The following CACNA1C variants were observed in gnomAD, a reference collection of about 807,000 sequenced individuals.
The protein encoded by CACNA1C is voltage-dependent L-type calcium channel subunit alpha-1C.
Under a neutral mutation model 229.0 loss-of-function variants are expected in CACNA1C, and 30 were observed. The ratio of observed to expected loss-of-function variants is 0.13; its 90% confidence interval spans 0.10 to 0.18. The LOEUF is 0.18. Ranked by LOEUF, CACNA1C falls within the 10% of genes least tolerant of loss-of-function variation. CACNA1C has a pLI of 1.00. For synonymous variants in CACNA1C, 1,114 were observed against 1,132.5 expected, an observed-to-expected ratio of 0.98 and a Z score of 0.33; for missense variants, 1,658 against 2,845.0, an observed-to-expected ratio of 0.58 and a Z score of 9.49.
chr12:2,352,015 G>C (rs1214575344), intron 3 of CACNA1C, among the ~76,000 whole-genome samples: 1 of 152,234 alleles, frequency 6.6e-6, no homozygotes, highest in Non-Finnish European at 1.5e-5. Context: ...TCCTGACTCA[G>C]AAATGTGTTG....
chr12:2,229,977 C>T (rs1339762873), intron 3 of CACNA1C, among the ~76,000 whole-genome samples: 1 of 152,142 alleles, frequency 6.6e-6, no homozygotes, highest in Non-Finnish European at 1.5e-5. Context: ...TGGGAGGTGA[C>T]GAGGGGTCTG....
rs1401677127 is a variant in CACNA1C, at chr12:2,053,103, G to A, written c.-460G>A. ...CTGCCTCCGCGCCCAGGAGTTGCCG[G>A]CTCCCTTTGACAGCAGAGAGCCGGG... is the stretch of plus-strand genomic sequence containing the variant. On this transcript the variant is annotated 5_prime_UTR_variant, in exon 1 of 47. Transcript: ENST00000399655. This position sits in a 1 kb window ranked among gnomAD's most constrained non-coding sequence, Gnocchi z 5.8. 1.0e-6 allele frequency: 1 copy of A among 984,674 alleles called. No homozygotes were observed. The highest frequency in any genetic ancestry group is 1.2e-6 in the Non-Finnish European group (1 of 829,596). The allele number at this position is 984,674 out of a possible 1,614,324, so 61.0% of individuals were successfully genotyped here.
At chr12:2,196,069 G>A (rs1432936103) in intron 3 of CACNA1C, among the ~76,000 whole-genome samples, 1 of 152,180 alleles carries the variant, frequency 6.6e-6, no homozygotes, top group Non-Finnish European at 1.5e-5. Flanking sequence ...AGCTTATTGG[G>A]ATCCTTCAGC....
chr12:2,553,118 T>C (rs905422929), intron 10 of CACNA1C, among the ~76,000 whole-genome samples: 1 of 152,168 alleles, frequency 6.6e-6, no homozygotes, highest in African/African-American at 2.4e-5. Flanking sequence ...CAGAGTCTAG[T>C]GCCCACCAAC....
At position 2,552,379 on chromosome 12, in the gene CACNA1C, A is replaced by C. The variant is rs539542320; in HGVS notation, c.1481+2346A>C. ...AAGTGTAAAGTCGGGCTAATAACAA[A>C]GGTTTCTAATTTGGACTGGCAGGTT... On this transcript the variant is annotated intron_variant, in intron 10 of 46. Coordinates refer to ENST00000399655, the MANE Select transcript of CACNA1C (RefSeq NM_000719.7). Among the ~76,000 whole-genome samples, 6 of 152,336 alleles carry C rather than the reference A, an allele frequency of 3.9e-5. No individual in the cohort carries two copies. The South Asian group carries it at 8.3e-4, about 21-fold the overall frequency.
chr12:2,081,559 A>G (rs1354827170), intron 1 of CACNA1C, among the ~76,000 whole-genome samples: 1 of 142,184 alleles, frequency 7.0e-6, no homozygotes, highest in Non-Finnish European at 1.5e-5. Context: ...CGACAGAGCG[A>G]GACTCAGTCT....
intron 1 of CACNA1C, among the ~76,000 whole-genome samples, chr12:2,005,094 C>G (rs1162597327): frequency 6.6e-6 from 1 of 151,132 alleles, no homozygotes; most frequent in Non-Finnish European, 1.5e-5. Context: ...GGGCACCAAA[C>G]TGTATTGCTA....
In CACNA1C at chr12:2,053,841, A is replaced by T. The variant is rs1233697819; in HGVS notation, c.49+230A>T. On this transcript the variant is annotated intron_variant, in intron 1 of 46. Transcript: ENST00000399655. The surrounding 1 kb of genome is among the most constrained non-coding windows in gnomAD (Gnocchi z 5.8). ...TCCCGCCCCTCCCCCTCCGGGCCCC[A>T]GCTTCTCCAGAGCATGTGTTTCCTG... Among the ~76,000 whole-genome samples, 8 of 149,308 alleles carry T rather than the reference A, an allele frequency of 5.4e-5. No individual in the cohort carries two copies. In the East Asian group the frequency reaches 8.1e-4, roughly 15 times the overall value.
At chr12:2,358,927 C>T (rs751463318) in intron 3 of CACNA1C, among the ~76,000 whole-genome samples, 1 of 152,064 alleles carries the variant, frequency 6.6e-6, no homozygotes, top group Non-Finnish European at 1.5e-5. Context: ...CTGCTGCCTT[C>T]TCCCTTTCCT....
At chr12:2,461,742 T>G (rs2099504799) in intron 5 of CACNA1C, among the ~76,000 whole-genome samples, 1 of 152,308 alleles carries the variant, frequency 6.6e-6, no homozygotes, top group African/African-American at 2.4e-5. Flanking sequence ...TTTTTCTCAC[T>G]CTTTGATTAC....
chr12:2,227,318 CCAGA>C (rs2063310434), intron 3 of CACNA1C, among the ~76,000 whole-genome samples: 1 of 152,154 alleles, frequency 6.6e-6, no homozygotes, highest in South Asian at 2.1e-4. Flanking sequence ...CAGGAGTTTC[CCAGA>C]CAGACACTTC....
At chr12:2,140,062 G>A (rs1440342117) in intron 3 of CACNA1C, among the ~76,000 whole-genome samples, 1 of 151,384 alleles carries the variant, frequency 6.6e-6, no homozygotes, top group East Asian at 1.9e-4. Context: ...TCCTGGTGCT[G>A]TGTACTAGGC....
chr12:1,985,035 T>TAAA (rs796830744), intron 1 of CACNA1C, among the ~76,000 whole-genome samples: 3 of 142,448 alleles, frequency 2.1e-5, no homozygotes, highest in Non-Finnish European at 4.6e-5. Context: ...CTTTCAAGAT[T>TAAA]AAAAAAAAAA....
At chr12:2,640,887 C>G (rs1049072742) in intron 30 of CACNA1C, among the ~76,000 whole-genome samples, 1 of 152,236 alleles carries the variant, frequency 6.6e-6, no homozygotes, top group Admixed American at 6.5e-5. Flanking sequence ...ACTTGCTGCA[C>G]GTCCACCCCC....
At chr12:2,052,120 T>A (rs1404802619), upstream of CACNA1C, among the ~76,000 whole-genome samples, 1 of 152,144 alleles carries the variant, frequency 6.6e-6, no homozygotes, top group Non-Finnish European at 1.5e-5. Context: ...TGTTTGCTTC[T>A]CCGGGAAGGA....
At chr12:2,115,660 T>A in intron 2 of CACNA1C, 115 bp downstream of exon 2, 1 of 933,916 alleles carries the variant, frequency 1.1e-6, no homozygotes, top group Admixed American at 2.1e-5. Context: ...AAACGGGGCC[T>A]CGGGCCTACT....
chr12:2,014,525 C>T (rs2045000164), intron 1 of CACNA1C, among the ~76,000 whole-genome samples: 1 of 152,160 alleles, frequency 6.6e-6, no homozygotes, highest in Non-Finnish European at 1.5e-5. Context: ...CATTCCCTGC[C>T]TTCCTAGAAC....
At chr12:2,499,382 G>A (rs553335811) in intron 7 of CACNA1C, among the ~76,000 whole-genome samples, 45 of 152,102 alleles carry the variant, frequency 3.0e-4, no homozygotes, top group Non-Finnish European at 4.4e-4. Flanking sequence ...GATCCACAGT[G>A]CCTGTGCCAA....
At chr12:2,169,788 G>A (rs1028025642) in intron 3 of CACNA1C, among the ~76,000 whole-genome samples, 1 of 152,178 alleles carries the variant, frequency 6.6e-6, no homozygotes, top group Admixed American at 6.5e-5. Flanking sequence ...TTGACTCCGG[G>A]CCTGAAGTTT....
Sources: allele counts gnomAD v4.1 joint callset (sites outside exome capture counted in the v4.1 genomes callset), GRCh38; gene constraint gnomAD v4.1.1; non-coding constraint Gnocchi (gnomAD v3.1); transcripts MANE v1.5; gene names NCBI Gene and HGNC (gene_info 2026-07-23, HGNC 2026-07-21).